The following GABRB1 variants were observed in gnomAD, a reference collection of about 807,000 sequenced individuals.
GABRB1 encodes the protein gamma-aminobutyric acid type A receptor subunit beta1, also known as gamma-aminobutyric acid receptor subunit beta-1.
In GABRB1, 17 loss-of-function variants were observed where a neutral mutation model predicts 51.6. The observed-to-expected ratio is 0.33, with a 90% CI of 0.23 to 0.49. The LOEUF (loss-of-function observed/expected upper bound fraction) is 0.49. GABRB1 is among the 20% of genes least tolerant of loss of function. The pLI, the probability that GABRB1 is intolerant of heterozygous loss-of-function variation, is 0.99. For synonymous variants in GABRB1, 247 were observed against 218.9 expected (o/e 1.13, Z -1.14); for missense variants, 410 against 600.6 (o/e 0.68, Z 3.32).
intron 3 of GABRB1, among the ~76,000 whole-genome samples, chr4:47,145,972 CA>C (rs1345988629): frequency 6.6e-6 from 1 of 151,978 alleles, no homozygotes; most frequent in Non-Finnish European, 1.5e-5. Context: ...TATTTCTATA[CA>C]AGGTGTCTCT....
intron 4 of GABRB1, among the ~76,000 whole-genome samples, chr4:47,195,238 G>A (rs1436225238): frequency 6.6e-6 from 1 of 152,082 alleles, no homozygotes; most frequent in African/African-American, 2.4e-5. Flanking sequence ...ATTGTGGCGG[G>A]CGCCTGTAGT....
chr4:47,000,189 TA>T (rs1724136131), intron 1 of GABRB1, among the ~76,000 whole-genome samples: 1 of 152,160 alleles, frequency 6.6e-6, no homozygotes, highest in African/African-American at 2.4e-5. Flanking sequence ...ATTTAAAACT[TA>T]AAAAAACCAT....
chr4:47,143,017 A>G (rs12640095), intron 3 of GABRB1, among the ~76,000 whole-genome samples: 28,762 of 151,802 alleles, frequency 0.19, 2,920 homozygotes, highest in East Asian at 0.33. Flanking sequence ...TTGGAGCCAG[A>G]ATTGTGGATA....
At chr4:47,013,500 A>G (rs924218236) in intron 1 of GABRB1, among the ~76,000 whole-genome samples, 2 of 152,152 alleles carry the variant, frequency 1.3e-5, no homozygotes, top group Non-Finnish European at 2.9e-5. Flanking sequence ...TTCTTGGTTT[A>G]AAGGAGAGTA....
At chr4:47,219,733 G>A (rs1720697030) in intron 4 of GABRB1, among the ~76,000 whole-genome samples, 1 of 151,762 alleles carries the variant, frequency 6.6e-6, no homozygotes, top group Non-Finnish European at 1.5e-5. Flanking sequence ...AACATATGTG[G>A]AATTACCTTA....
chr4:47,260,782 T>C (rs1722402000), intron 4 of GABRB1, among the ~76,000 whole-genome samples: 1 of 152,118 alleles, frequency 6.6e-6, no homozygotes, highest in African/African-American at 2.4e-5. Context: ...TTGATGAACA[T>C]TGATGCAAAA....
chr4:47,100,882 A>G (rs564170366), intron 3 of GABRB1, among the ~76,000 whole-genome samples: 2 of 152,092 alleles, frequency 1.3e-5, no homozygotes, highest in East Asian at 3.9e-4. Flanking sequence ...AATATCCTGC[A>G]AGAGAAACCA....
chr4:47,385,061 C>G (rs1727739506), intron 5 of GABRB1, among the ~76,000 whole-genome samples: 1 of 152,188 alleles, frequency 6.6e-6, no homozygotes, highest in Non-Finnish European at 1.5e-5. Context: ...ACACGAAAGA[C>G]TTTGCCTACA....
chr4:47,407,878 G>A (rs1032476352), intron 8 of GABRB1, among the ~76,000 whole-genome samples: 2 of 152,148 alleles, frequency 1.3e-5, no homozygotes, highest in African/African-American at 4.8e-5. Flanking sequence ...GCTCACTGGA[G>A]CCTAGGAGTT....
intron 4 of GABRB1, among the ~76,000 whole-genome samples, chr4:47,265,815 T>C (rs1578048191): frequency 6.6e-6 from 1 of 152,260 alleles, no homozygotes; most frequent in East Asian, 1.9e-4. Context: ...TGTTGTTGAC[T>C]TGTTTGAATT....
intron 3 of GABRB1, among the ~76,000 whole-genome samples, chr4:47,062,300 CTT>C (rs76714501): frequency 2.0e-4 from 28 of 136,744 alleles, no homozygotes; most frequent in Admixed American, 3.7e-4. Flanking sequence ...GAAGCAATGT[CTT>C]TTTTTTTTTT....
intron 4 of GABRB1, among the ~76,000 whole-genome samples, chr4:47,182,810 G>A (rs150156504): frequency 5.9e-5 from 9 of 152,038 alleles, no homozygotes; most frequent in Admixed American, 5.9e-4. Flanking sequence ...TGTTATAACA[G>A]AGAAAACTCT....
At chr4:47,209,487 T>C (rs573426266) in intron 4 of GABRB1, among the ~76,000 whole-genome samples, 1 of 152,170 alleles carries the variant, frequency 6.6e-6, no homozygotes, top group Admixed American at 6.6e-5. Flanking sequence ...GTAAATCATA[T>C]CCTCTGACAT....
chr4:47,137,922 G>A (rs1025445812), intron 3 of GABRB1, among the ~76,000 whole-genome samples: 20 of 152,076 alleles, frequency 1.3e-4, no homozygotes, highest in Admixed American at 6.6e-5. Context: ...AATAGAAGTA[G>A]AAATATTCCA....
chr4:47,048,267 G>A (rs1319863329), intron 3 of GABRB1, among the ~76,000 whole-genome samples: 9 of 152,098 alleles, frequency 5.9e-5, no homozygotes, highest in Non-Finnish European at 1.3e-4. Flanking sequence ...TATGAATTAA[G>A]TCTCTCTTCT....
intron 5 of GABRB1, among the ~76,000 whole-genome samples, chr4:47,365,994 T>C (rs1456337707): frequency 6.6e-6 from 1 of 152,214 alleles, no homozygotes; most frequent in Non-Finnish European, 1.5e-5. Flanking sequence ...TTATTCACAT[T>C]GAGTGTGCCA....
intron 3 of GABRB1, among the ~76,000 whole-genome samples, chr4:47,079,688 G>A (rs1727739266): frequency 6.6e-6 from 1 of 151,898 alleles, no homozygotes; most frequent in Non-Finnish European, 1.5e-5. Flanking sequence ...ATGAGTTCAT[G>A]TCCTTTGTAG....
At chr4:47,080,055 A>G (rs1727759939) in intron 3 of GABRB1, among the ~76,000 whole-genome samples, 1 of 152,150 alleles carries the variant, frequency 6.6e-6, no homozygotes, top group African/African-American at 2.4e-5. Context: ...TGTCAGAAAG[A>G]GCTTATTTCA....
intron 3 of GABRB1, among the ~76,000 whole-genome samples, chr4:47,125,573 T>TTTTTTTTTTTTTTTTTAATG (rs1716090210): frequency 8.1e-6 from 1 of 123,168 alleles, no homozygotes. Context: ...TTTTTTTTTT[T>TTTTTTTTTTTTTTTTTAATG]GAGACGGAGT....
Sources: allele counts gnomAD v4.1 joint callset (sites outside exome capture counted in the v4.1 genomes callset), GRCh38; gene constraint gnomAD v4.1.1; transcripts MANE v1.5; gene names NCBI Gene and HGNC (gene_info 2026-07-23, HGNC 2026-07-21).